Variants in LIPI observed in about 807,000 individuals in gnomAD.
LIPI encodes the protein lipase member I.
Under a neutral mutation model 50.6 loss-of-function variants are expected in LIPI, and 59 were observed. That is an observed-to-expected ratio of 1.16 (90% CI 0.94 to 1.45). The LOEUF is 1.45. LIPI is among the 40% of genes most tolerant of loss of function. The probability of loss-of-function intolerance (pLI) is 0.00; values close to 1 mark genes in which losing one functional copy is unlikely to be tolerated. For missense variants in LIPI, 586 were observed against 536.3 expected, an observed-to-expected ratio of 1.09 and a Z score of -0.92; for synonymous variants, 203 against 178.2, an observed-to-expected ratio of 1.14 and a Z score of -1.11.
chr21:14,110,010 A>G (rs1199078430), intron 9 of LIPI, among the ~76,000 whole-genome samples: 1 of 151,968 alleles, frequency 6.6e-6, no homozygotes, highest in Non-Finnish European at 1.5e-5. Context: ...TTATGTATCT[A>G]TCTTTCTAAT....
chr21:14,157,680 AG>A (rs2018320679), intron 7 of LIPI, among the ~76,000 whole-genome samples: 1 of 151,876 alleles, frequency 6.6e-6, no homozygotes, highest in African/African-American at 2.4e-5. Context: ...TTAAAGAAGA[AG>A]GGGGTGAAAG....
chr21:14,123,325 T>G (rs1039883912), intron 9 of LIPI, among the ~76,000 whole-genome samples: 9 of 152,156 alleles, frequency 5.9e-5, no homozygotes, highest in Non-Finnish European at 1.2e-4. Context: ...ACCCTCTCTC[T>G]CAGTTTCCAG....
chr21:14,176,681 T>G (rs890331270), intron 4 of LIPI, among the ~76,000 whole-genome samples: 1 of 30,738 alleles, frequency 3.3e-5, no homozygotes, highest in Non-Finnish European at 7.5e-5. Context: ...GAGAATATTG[T>G]TTTTTTTTCA....
At chr21:14,164,837 C>T (rs1453851497) in intron 6 of LIPI, among the ~76,000 whole-genome samples, 1 of 152,112 alleles carries the variant, frequency 6.6e-6, no homozygotes, top group East Asian at 1.9e-4. Context: ...CACCTCTTCA[C>T]TTGTTCCTAA....
chr21:14,129,259 T>C (rs2017188785), intron 9 of LIPI, among the ~76,000 whole-genome samples: 1 of 152,056 alleles, frequency 6.6e-6, no homozygotes, highest in Non-Finnish European at 1.5e-5. Context: ...ACTTTACATA[T>C]ATTATACCAC....
In LIPI at chr21:14,201,544, T is replaced by G. The variant is rs540265208; in HGVS notation, c.46+9256A>C. On this transcript the variant is annotated intron_variant, in intron 1 of 9. Transcript: ENST00000681601. Reference sequence around the variant, plus strand: ...GGCTGGTTCAACATACGCAAATCAATAAAAGTAATCCAGCATATAAACAGA... The same window carrying G: ...GGCTGGTTCAACATACGCAAATCAAGAAAAGTAATCCAGCATATAAACAGA... Among the ~76,000 whole-genome samples, 124 of 152,224 alleles carry G rather than the reference T, an allele frequency of 8.1e-4. No homozygotes were observed. In the South Asian group the frequency reaches 0.018, roughly 22 times the overall value.
chr21:14,161,628 T>TACATATATTATATATTAATGTA lies in LIPI; in HGVS notation c.1006+1790_1006+1791insTACATTAATATATAATATATGT, dbSNP rs1568858298. ...ATATATAATATACATATATAATATA[T>TACATATATTATATATTAATGTA]TAATATATAATATATACATTATTAT... On this transcript the variant is annotated intron_variant, in intron 7 of 9. Coordinates refer to ENST00000681601, the MANE Select transcript of LIPI (RefSeq NM_001302998.2). Among the ~76,000 whole-genome samples, 4 of 112,974 alleles carry TACATATATTATATATTAATGTA rather than the reference T, an allele frequency of 3.5e-5. 1 individual carries two copies. The highest frequency in any genetic ancestry group is 4.8e-4 in the East Asian group (2 of 4,138). 74.1% of individuals were successfully genotyped at this position (112,974 alleles called of 152,430 possible).
intron 2 of LIPI, 68 bp from the exon 3 acceptor site, chr21:14,186,137 T>A: frequency 1.2e-6 from 1 of 858,036 alleles, no homozygotes; most frequent in African/African-American, 1.6e-5. Flanking sequence ...GCCCCCCTCA[T>A]ATATCGACAT....
intron 4 of LIPI, among the ~76,000 whole-genome samples, chr21:14,175,852 A>G (rs1453273267): frequency 6.6e-6 from 1 of 152,070 alleles, no homozygotes; most frequent in African/African-American, 2.4e-5. Context: ...TATGAAGTTC[A>G]AGCATTCTAT....
chr21:14,189,095 C>A lies in LIPI; in HGVS notation c.371G>T (p.Arg124Ile). The A allele has an allele frequency of 6.2e-7, 1 of 1,612,168 alleles. No homozygotes were observed. Among genetic ancestry groups the A allele is most frequent in the South Asian group, 1.1e-5 (1 of 91,076 alleles). Reference protein sequence around the residue: ...SRGATTFIYNRAVKNTRKVAV... With the variant: ...SRGATTFIYNIAVKNTRKVAV... Reference sequence around the variant, plus strand: ...AACTTTTCTGGTGTTTTTAACTGCTCTATTATAAATAAAAGTTGTAGCACC... The same window carrying A: ...AACTTTTCTGGTGTTTTTAACTGCTATATTATAAATAAAAGTTGTAGCACC... The change falls in exon 2 of 10, where the codon AGA becomes ATA. Residue 124 changes from arginine to isoleucine, a missense_variant. By Grantham distance (97) the Arg-to-Ile change is moderately conservative. Transcript: ENST00000681601.
chr21:14,200,946 C>G (rs1047430686), intron 1 of LIPI, among the ~76,000 whole-genome samples: 63 of 152,118 alleles, frequency 4.1e-4, no homozygotes, highest in African/African-American at 1.4e-3. Flanking sequence ...GAGTAGAGAA[C>G]CCAGACATAA....
At chr21:14,183,107 G>GC (rs1283852472) in intron 3 of LIPI, among the ~76,000 whole-genome samples, 1 of 152,176 alleles carries the variant, frequency 6.6e-6, no homozygotes, top group Non-Finnish European at 1.5e-5. Flanking sequence ...AAACAGCATG[G>GC]TACTGGTACC....
intron 9 of LIPI, among the ~76,000 whole-genome samples, chr21:14,128,251 A>T (rs8129739): frequency 0.027 from 4,135 of 152,204 alleles, 178 homozygotes; most frequent in African/African-American, 0.091. Flanking sequence ...AGAATTACAT[A>T]TGAATTAAAA....
At chr21:14,153,479 A>T (rs946803190) in intron 7 of LIPI, among the ~76,000 whole-genome samples, 1 of 152,222 alleles carries the variant, frequency 6.6e-6, no homozygotes, top group Non-Finnish European at 1.5e-5. Flanking sequence ...GACAGCACAG[A>T]ATATTGAGAT....
intron 2 of LIPI, among the ~76,000 whole-genome samples, chr21:14,186,644 A>G (rs1219595818): frequency 1.3e-5 from 2 of 152,166 alleles, no homozygotes; most frequent in African/African-American, 4.8e-5. Flanking sequence ...CCTAAAATTC[A>G]TATGTTGGAA....
At chr21:14,175,011 G>T (rs1004288192) in intron 4 of LIPI, among the ~76,000 whole-genome samples, 1 of 152,146 alleles carries the variant, frequency 6.6e-6, no homozygotes, top group Non-Finnish European at 1.5e-5. Context: ...ACATTGTCAG[G>T]TGTAAAAACA....
intron 1 of LIPI, among the ~76,000 whole-genome samples, chr21:14,202,076 T>C (rs141752059): frequency 0.035 from 5,281 of 152,146 alleles, 255 homozygotes; most frequent in East Asian, 0.26. Context: ...TGAACTCCCA[T>C]TCACAATTGC....
chr21:14,191,615 A>G (rs1198686993), intron 1 of LIPI, among the ~76,000 whole-genome samples: 1 of 152,122 alleles, frequency 6.6e-6, no homozygotes, highest in Non-Finnish European at 1.5e-5. Flanking sequence ...TAAAAAGAAA[A>G]TAGGTTGGTG....
rs1568878301 is a variant in LIPI at position 14,189,385 on chromosome 21, T to A, written c.81A>T (p.Leu27=). The change falls in exon 2 of 10, where the codon CTA becomes CTT. Residue 27 remains leucine, a synonymous_variant. Transcript: ENST00000681601. Reference sequence around the variant, plus strand: ...AATCTCTGAAGGAATCCTTTACACTTAGCTGAGAGAATTCAAGGCATGGTC... The same window carrying A: ...AATCTCTGAAGGAATCCTTTACACTAAGCTGAGAGAATTCAAGGCATGGTC... ...NKRPCLEFSQ[L]SVKDSFRDLF... 1 of 1,612,802 alleles carries A rather than the reference T, an allele frequency of 6.2e-7. No individual in the cohort carries two copies. The highest frequency in any genetic ancestry group is 8.5e-7 in the Non-Finnish European group (1 of 1,178,896).
Sources: allele counts gnomAD v4.1 joint callset (sites outside exome capture counted in the v4.1 genomes callset), GRCh38; gene constraint gnomAD v4.1.1; transcripts MANE v1.5; gene names NCBI Gene and HGNC (gene_info 2026-07-23, HGNC 2026-07-21).